The following DNAH7 variants were observed in gnomAD, a reference collection of about 807,000 sequenced individuals.
The protein encoded by DNAH7 is dynein axonemal heavy chain 7.
DNAH7 carries 397 observed loss-of-function variants against 444.6 expected under a neutral mutation model. The ratio of observed to expected loss-of-function variants is 0.89; its 90% CI spans 0.82 to 0.97. The LOEUF is 0.97. Ranked by LOEUF, DNAH7 falls within the 50% of genes least tolerant of loss-of-function variation. The pLI, the probability that DNAH7 is intolerant of heterozygous loss-of-function variation, is 0.00. For synonymous variants in DNAH7, 1,636 were observed against 1,624.4 expected (o/e 1.01, Z -0.17); for missense variants, 4,902 against 4,800.8 (o/e 1.02, Z -0.62).
intron 56 of DNAH7, among the ~76,000 whole-genome samples, chr2:195,794,885 C>T (rs1696063622): frequency 6.6e-6 from 1 of 152,216 alleles, no homozygotes; most frequent in South Asian, 2.1e-4. Context: ...AAATAATTCT[C>T]TGCCCCAGAG....
At chr2:195,845,931 T>A (rs966058880) in intron 46 of DNAH7, among the ~76,000 whole-genome samples, 1 of 152,198 alleles carries the variant, frequency 6.6e-6, no homozygotes, top group Non-Finnish European at 1.5e-5. Flanking sequence ...GAAATACCAT[T>A]CTAGACATAG....
chr2:195,993,869 G>A (rs576078250), intron 12 of DNAH7, among the ~76,000 whole-genome samples: 11 of 152,320 alleles, frequency 7.2e-5, no homozygotes, highest in Admixed American at 3.3e-4. Context: ...TTGTTTACCA[G>A]TGGGTCAGGT....
chr2:196,050,450 T>C (rs1697394708), intron 3 of DNAH7, among the ~76,000 whole-genome samples: 1 of 152,202 alleles, frequency 6.6e-6, no homozygotes, highest in Non-Finnish European at 1.5e-5. Flanking sequence ...GTGAATGTAC[T>C]GAATGTCACT....
chr2:195,994,304 G>C, intron 12 of DNAH7: 1 of 498,308 alleles, frequency 2.0e-6, no homozygotes, highest in East Asian at 5.1e-5. Context: ...CAGCATCAAA[G>C]ATATCACTGA....
Position 195,864,354 on chromosome 2 carries a change from C to T in DNAH7, c.7301G>A (p.Cys2434Tyr), listed in dbSNP as rs1375009732. ...LFALDEKQEI[C>Y]DKMRQLDRQR... The stretch of plus-strand genomic sequence containing the variant: ...GCGATCTAACTGACGCATCTTATCA[C>T]ATATCTCTTGCTTCTCATCTAATGC... Residue 2434 changes from cysteine (C) to tyrosine (Y), a missense_variant, in exon 41 of 65, where the codon TGT becomes TAT. Transcript: ENST00000312428. 1.2e-6 allele frequency: 2 copies of T among 1,614,040 alleles called. No homozygotes were observed. The highest frequency in any genetic ancestry group is 2.7e-5 in the African/African-American group (2 of 74,918).
rs576001832 is a variant in DNAH7, at chr2:195,811,611, C to T, written c.9762-1740G>A. Among the ~76,000 whole-genome samples the T allele has an allele frequency of 4.5e-4, 68 of 152,142 alleles. 1 individual carries two copies. Among genetic ancestry groups the T allele is most frequent in the South Asian group, 2.1e-4 (1 of 4,822 alleles). On this transcript the variant is annotated intron_variant, in intron 51 of 64. Coordinates refer to ENST00000312428, the MANE Select transcript of DNAH7 (RefSeq NM_018897.3). ...AGCAATCTGCCCGCCTCAGCCTCCCCGAGTGCTGGGATTACAGGTGTAAGC... is the reference window on the plus strand; with the variant it reads ...AGCAATCTGCCCGCCTCAGCCTCCCTGAGTGCTGGGATTACAGGTGTAAGC...
chr2:195,747,096 C>T (rs1414708164), intron 63 of DNAH7, among the ~76,000 whole-genome samples: 17 of 151,950 alleles, frequency 1.1e-4, no homozygotes, highest in East Asian at 3.9e-4. Flanking sequence ...ATTGATAGAC[C>T]GCTAGCAAGA....
At chr2:196,048,228 A>G (rs965549420) in intron 4 of DNAH7, 68 bp downstream of exon 4, 5 of 1,399,182 alleles carry the variant, frequency 3.6e-6, no homozygotes, top group Non-Finnish European at 4.9e-6. Context: ...TACACTATTA[A>G]CTAAATATTG....
At chr2:195,897,287 T>C (rs1658215914) in intron 29 of DNAH7, among the ~76,000 whole-genome samples, 1 of 152,188 alleles carries the variant, frequency 6.6e-6, no homozygotes, top group South Asian at 2.1e-4. Flanking sequence ...CATATTTATC[T>C]ATTTTATTTC....
chr2:196,052,828 G>T (rs1252045763), intron 2 of DNAH7, among the ~76,000 whole-genome samples: 1 of 152,226 alleles, frequency 6.6e-6, no homozygotes, highest in Non-Finnish European at 1.5e-5. Flanking sequence ...GGCGCATCAA[G>T]AATTGGAGTC....
At chr2:195,829,845 T>C (rs1697973105) in intron 48 of DNAH7, among the ~76,000 whole-genome samples, 1 of 152,064 alleles carries the variant, frequency 6.6e-6, no homozygotes, top group African/African-American at 2.4e-5. Context: ...GAATCAAGTC[T>C]TAATCCTGTT....
intron 61 of DNAH7, among the ~76,000 whole-genome samples, chr2:195,764,788 T>C (rs1694498707): frequency 6.6e-6 from 1 of 151,992 alleles, no homozygotes; most frequent in Non-Finnish European, 1.5e-5. Context: ...AGAATCAATA[T>C]TGTTAAAATG....
intron 32 of DNAH7, 70 bp downstream of exon 32, chr2:195,888,729 G>A: frequency 1.0e-5 from 15 of 1,460,498 alleles, no homozygotes; most frequent in Non-Finnish European, 1.3e-5. Context: ...TAAAGTCAAA[G>A]GTACTAAGCA....
chr2:195,845,553 C>G (rs1218750682), intron 46 of DNAH7, among the ~76,000 whole-genome samples: 2 of 152,100 alleles, frequency 1.3e-5, no homozygotes, highest in Non-Finnish European at 2.9e-5. Flanking sequence ...GCCCGAATAG[C>G]CAAAGCTATC....
intron 57 of DNAH7, 49 bp from the exon 58 acceptor site, chr2:195,787,220 CATT>C: frequency 6.5e-7 from 1 of 1,529,014 alleles, no homozygotes; most frequent in Non-Finnish European, 8.8e-7. Context: ...CCATATATTG[CATT>C]ATATTTACCA....
chr2:195,882,054 C>A, intron 35 of DNAH7, 62 bp from the exon 36 acceptor site: 1 of 1,391,652 alleles, frequency 7.2e-7, no homozygotes, highest in South Asian at 1.3e-5. Flanking sequence ...CTCTATACTC[C>A]TGTGCCATTG....
At position 195,987,167 on chromosome 2, in the gene DNAH7, C is replaced by T; in HGVS notation, c.1653G>A (p.Met551Ile). Residue 551 changes from methionine (M) to isoleucine (I), a missense_variant, in exon 14 of 65, where the codon ATG (methionine) becomes ATA (isoleucine). Physicochemically the swap from Met to Ile is conservative, Grantham distance 10. Transcript: ENST00000312428. ...IKTIRLGMFE[M>I]HCEELIRALV... ...AAGCTCTGATTAATTCCTCACAGTG[C>T]ATTTCAAACATTCCTAAACGAATAG... is the stretch of plus-strand genomic sequence containing the variant. The T allele has an allele frequency of 6.2e-7, 1 of 1,600,356 alleles. No individual in the cohort carries two copies. The highest frequency in any genetic ancestry group is 1.1e-5 in the South Asian group (1 of 88,206).
At chr2:196,012,676 A>C in intron 10 of DNAH7, 111 bp downstream of exon 10, 4 of 1,081,682 alleles carry the variant, frequency 3.7e-6, no homozygotes, top group Non-Finnish European at 3.9e-6. Flanking sequence ...TAAATCATGT[A>C]GAAATGATTT....
At chr2:195,975,454 A>C (rs1008747989) in intron 15 of DNAH7, among the ~76,000 whole-genome samples, 1 of 152,190 alleles carries the variant, frequency 6.6e-6, no homozygotes, top group Non-Finnish European at 1.5e-5. Flanking sequence ...ACCATGGGCT[A>C]AAGTGTTCTG....
Sources: allele counts gnomAD v4.1 joint callset (sites outside exome capture counted in the v4.1 genomes callset), GRCh38; gene constraint gnomAD v4.1.1; transcripts MANE v1.5; gene names NCBI Gene and HGNC (gene_info 2026-07-23, HGNC 2026-07-21).